The following HEMK1 variants were observed in gnomAD, a reference collection of about 807,000 sequenced individuals.
The protein encoded by HEMK1 is HemK methyltransferase 1, mitochondrial release factors N(5)-glutamine.
Under a neutral mutation model 47.9 loss-of-function variants are expected in HEMK1, and 36 were observed. That is an observed-to-expected ratio of 0.75 (90% confidence interval 0.58 to 0.99). The LOEUF (loss-of-function observed/expected upper bound fraction) is 0.99. HEMK1 is among the 50% of genes least tolerant of loss of function. HEMK1 has a pLI of 0.00. For synonymous variants in HEMK1, 153 were observed against 165.4 expected, an observed-to-expected ratio of 0.93 and a Z score of 0.57; for missense variants, 383 against 434.5, an observed-to-expected ratio of 0.88 and a Z score of 1.05.
chr3:50,580,010 C>A, intron 9 of HEMK1, 71 bp downstream of exon 9: 2 of 1,527,894 alleles, frequency 1.3e-6, no homozygotes, highest in South Asian at 1.1e-5. Flanking sequence ...ACTGGGCAGG[C>A]CCTGGCAGAG....
upstream of HEMK1, chr3:50,569,426 GC>G (rs967394574): frequency 4.6e-5 from 7 of 152,242 alleles, no homozygotes; most frequent in Non-Finnish European, 7.3e-5. Context: ...CTGAAGCTGG[GC>G]TACGGCGTCC....
Position 50,580,795 on chromosome 3 carries a change from T to C in HEMK1, c.*378T>C. ...GGCTGGCCGTCAGTCCCCTGCTTGG[T>C]AGTGGTGTGGGGGTGCAGTGTGGAG... On this transcript the variant is annotated 3_prime_UTR_variant, in exon 11 of 11. Transcript: ENST00000232854. 3.1e-6 allele frequency: 1 copy of C among 322,558 alleles called. No individual in the cohort carries two copies. The highest frequency in any genetic ancestry group is 3.1e-5 in the South Asian group (1 of 32,062). The allele number at this position is 322,558 out of a possible 1,614,324, so 20.0% of individuals were successfully genotyped here.
intron 4 of HEMK1, among the ~76,000 whole-genome samples, chr3:50,573,647 T>A (rs891807048): frequency 2.0e-5 from 3 of 152,148 alleles, no homozygotes; most frequent in African/African-American, 7.2e-5. Context: ...TGTGCAGACA[T>A]TTCTGAGAAC....
rs868205677 is a variant in HEMK1 at position 50,586,889 on chromosome 3, C to T, written c.*6472C>T. ...TGGAAGTCAGTGTGAGGCTGAGCTA[C>T]GTGACCAAGCAAAGCAAACTAGGAC... On this transcript the variant is annotated 3_prime_UTR_variant, in exon 11 of 11. Coordinates refer to ENST00000232854, the MANE Select transcript of HEMK1 (RefSeq NM_016173.5). The T allele has an allele frequency of 6.6e-6, 1 of 152,070 alleles. No individual in the cohort carries two copies. Among genetic ancestry groups the T allele is most frequent in the Non-Finnish European group, 1.5e-5 (1 of 68,038 alleles). 9.4% of individuals were successfully genotyped at this position (152,070 alleles called of 1,614,324 possible). A position where few individuals can be genotyped will look rare whatever the true frequency, so the allele number is the denominator to read the frequency against.
rs1038066924 is a variant in HEMK1, at chr3:50,588,093, C to G, written c.*7676C>G. The G allele has an allele frequency of 2.0e-5, 3 of 152,248 alleles. No individual in the cohort carries two copies. Among genetic ancestry groups the G allele is most frequent in the Non-Finnish European group, 4.4e-5 (3 of 68,098 alleles). The allele number at this position is 152,248 out of a possible 1,614,324, so 9.4% of individuals were successfully genotyped here. On this transcript the variant is annotated 3_prime_UTR_variant, in exon 11 of 11. Coordinates refer to ENST00000232854, the MANE Select transcript of HEMK1 (RefSeq NM_016173.5). ...TATCCGAGAAGCAGCATTGGGGCGT[C>G]TGGAGATGCAAATGTGACCATGTGG...
chr3:50,571,611 C>A, intron 2 of HEMK1, 99 bp from the exon 3 acceptor site: 3 of 1,123,950 alleles, frequency 2.7e-6, no homozygotes, highest in Non-Finnish European at 2.7e-6. Context: ...GAGGGTTGGG[C>A]CTCCAGACCA....
chr3:50,579,702 C>T, intron 8 of HEMK1, 142 bp from the exon 9 acceptor site: 2 of 624,456 alleles, frequency 3.2e-6, no homozygotes, highest in East Asian at 2.7e-5. Flanking sequence ...TTGGGGCCCT[C>T]CTTCTCTGGG....
Position 50,577,256 on chromosome 3 carries a change from C to A in HEMK1, c.549+70C>A, listed in dbSNP as rs533966136. The A allele has an allele frequency of 5.2e-6, 8 of 1,526,064 alleles. No individual in the cohort carries two copies. The African/African-American group carries it at 8.3e-5, about 16-fold the overall frequency. The allele number at this position is 1,526,064 out of a possible 1,614,324, so 94.5% of individuals were successfully genotyped here. On this transcript the variant is annotated intron_variant, in intron 5 of 10. Transcript: ENST00000232854. Reference sequence around the variant, plus strand: ...CTGTCCCTCCCATTAGTGCTTCCCCCACATCCCTCTGCTAGGAGCGCTTGA... The same window carrying A: ...CTGTCCCTCCCATTAGTGCTTCCCCAACATCCCTCTGCTAGGAGCGCTTGA...
In HEMK1 at chr3:50,577,923, G is replaced by A. The variant is rs756536642; in HGVS notation, c.664+48G>A. 1.8e-5 allele frequency: 29 copies of A among 1,572,244 alleles called. No individual in the cohort carries two copies. The East Asian group carries it at 6.5e-4, about 35-fold the overall frequency. ...TGAGAGAGGGAGACTAGATGCAGGT[G>A]CTGCTGGGTGGATGAGGCACTCCGT... is the stretch of plus-strand genomic sequence containing the variant. On this transcript the variant is annotated intron_variant, in intron 7 of 10. Coordinates refer to ENST00000232854, the MANE Select transcript of HEMK1 (RefSeq NM_016173.5).
chr3:50,593,700 T>C lies in HEMK1; in HGVS notation c.*13283T>C, dbSNP rs2107547935. 6.6e-6 allele frequency: 1 copy of C among 152,336 alleles called. No individual in the cohort carries two copies. The highest frequency in any genetic ancestry group is 1.9e-4 in the East Asian group (1 of 5,190). The allele number at this position is 152,336 out of a possible 1,614,324, so 9.4% of individuals were successfully genotyped here. ...TCTTGGATTTTCTACATTGACATTTTACCACTGAAAATAATGACAATGACA... is the reference window on the plus strand; with the variant it reads ...TCTTGGATTTTCTACATTGACATTTCACCACTGAAAATAATGACAATGACA... On this transcript the variant is annotated 3_prime_UTR_variant, in exon 11 of 11. Coordinates refer to ENST00000232854, the MANE Select transcript of HEMK1 (RefSeq NM_016173.5).
At position 50,590,464 on chromosome 3, in the gene HEMK1, G is replaced by A. The variant is rs960116059; in HGVS notation, c.*10047G>A. On this transcript the variant is annotated 3_prime_UTR_variant, in exon 11 of 11. Transcript: ENST00000232854. ...CCAGCTACTCGGGAGGCTGAGGCAG[G>A]AGAATCGCTTGAACCCGGAAGGCGG... 2.6e-5 allele frequency: 4 copies of A among 152,280 alleles called. No homozygotes were observed. Among genetic ancestry groups the A allele is most frequent in the African/African-American group, 4.8e-5 (2 of 41,398 alleles). The allele number at this position is 152,280 out of a possible 1,614,324, so 9.4% of individuals were successfully genotyped here. A position where few individuals can be genotyped will look rare whatever the true frequency, so the allele number is the denominator to read the frequency against.
intron 4 of HEMK1, among the ~76,000 whole-genome samples, chr3:50,575,194 G>A (rs899026582): frequency 6.6e-6 from 1 of 152,068 alleles, no homozygotes; most frequent in Non-Finnish European, 1.5e-5. Flanking sequence ...AGGCTGAGGC[G>A]GGTAGATCAC....
chr3:50,579,896 A>T lies in HEMK1; in HGVS notation c.823A>T (p.Thr275Ser). The T allele has an allele frequency of 7.4e-6, 12 of 1,613,892 alleles. No individual in the cohort carries two copies. Among genetic ancestry groups the T allele is most frequent in the Non-Finnish European group, 1.0e-5 (12 of 1,179,922 alleles). ...TGGGGAGGAGGGCATGGACATCATT[A>T]CCCACATTCTGGCCTTGGCACCCCG... is the stretch of plus-strand genomic sequence containing the variant. ...DGGEEGMDII[T>S]HILALAPRLL... The change falls in exon 9 of 11, where the codon ACC becomes TCC. Residue 275 changes from threonine to serine, a missense_variant. By Grantham distance (58) the Thr-to-Ser change is moderately conservative. Transcript: ENST00000232854.
intron 4 of HEMK1, among the ~76,000 whole-genome samples, chr3:50,572,654 A>G (rs992982034): frequency 6.6e-6 from 1 of 152,198 alleles, no homozygotes; most frequent in African/African-American, 2.4e-5. Context: ...CCCTCCTGCC[A>G]TCTCTGGGCC....
At position 50,589,507 on chromosome 3, in the gene HEMK1, G is replaced by C. The variant is rs761060781; in HGVS notation, c.*9090G>C. 1.2e-4 allele frequency: 18 copies of C among 152,170 alleles called. No homozygotes were observed. Among genetic ancestry groups the C allele is most frequent in the Non-Finnish European group, 1.9e-4 (13 of 68,026 alleles). 9.4% of individuals were successfully genotyped at this position (152,170 alleles called of 1,614,324 possible). ...CCACCTACTCGGGAGGCTGAGGCAG[G>C]AGGATTACTTGAGCACAAGAGTTTA... is the stretch of plus-strand genomic sequence containing the variant. On this transcript the variant is annotated 3_prime_UTR_variant, in exon 11 of 11. Transcript: ENST00000232854.
At chr3:50,571,945 G>C in intron 3 of HEMK1, 144 bp downstream of exon 3, 2 of 1,290,354 alleles carry the variant, frequency 1.5e-6, no homozygotes, top group Non-Finnish European at 2.2e-6. Flanking sequence ...GTGGGGCCGG[G>C]GTACTGAATA....
chr3:50,579,715 C>A (rs369944049), intron 8 of HEMK1, 129 bp from the exon 9 acceptor site: 2 of 665,368 alleles, frequency 3.0e-6, no homozygotes. Flanking sequence ...TCTCTGGGTC[C>A]TCAGATTTGC....
chr3:50,579,758 C>T, intron 8 of HEMK1, 86 bp from the exon 9 acceptor site: 1 of 942,546 alleles, frequency 1.1e-6, no homozygotes, highest in Non-Finnish European at 1.7e-6. Flanking sequence ...CCACAGGGCC[C>T]CATTCATGGA....
Position 50,589,132 on chromosome 3 carries a change from G to A in HEMK1, c.*8715G>A, listed in dbSNP as rs1263665136. On this transcript the variant is annotated 3_prime_UTR_variant, in exon 11 of 11. Coordinates refer to ENST00000232854, the MANE Select transcript of HEMK1 (RefSeq NM_016173.5). ...ATGAACACAAATGTTTGAACTGGGGGCTGGGATGGTAGTTGTAGTCTTATG... is the reference window on the plus strand; with the variant it reads ...ATGAACACAAATGTTTGAACTGGGGACTGGGATGGTAGTTGTAGTCTTATG... 1 of 152,264 alleles carries A rather than the reference G, an allele frequency of 6.6e-6. No homozygotes were observed. The highest frequency in any genetic ancestry group is 2.4e-5 in the African/African-American group (1 of 41,462). 9.4% of individuals were successfully genotyped at this position (152,264 alleles called of 1,614,324 possible). A position where few individuals can be genotyped will look rare whatever the true frequency, so the allele number is the denominator to read the frequency against.
Sources: allele counts gnomAD v4.1 joint callset (sites outside exome capture counted in the v4.1 genomes callset), GRCh38; gene constraint gnomAD v4.1.1; transcripts MANE v1.5; gene names NCBI Gene and HGNC (gene_info 2026-07-23, HGNC 2026-07-21).